CES5A: variants seen among roughly 807,000 people sequenced by gnomAD.
CES5A encodes the protein carboxylesterase 5.
CES5A carries 67 observed loss-of-function variants against 62.9 expected under a neutral mutation model. The observed-to-expected ratio is 1.07, with a 90% CI of 0.88 to 1.31. The LOEUF is 1.31. Ranked by LOEUF, CES5A falls within the 50% of genes most tolerant of loss-of-function variation. CES5A has a pLI of 0.00. For synonymous variants in CES5A, 296 were observed against 280.8 expected (o/e 1.05, Z -0.54); for missense variants, 748 against 708.5 (o/e 1.06, Z -0.63).
upstream of CES5A, among the ~76,000 whole-genome samples, chr16:55,878,723 C>A (rs975641329): frequency 3.4e-5 from 5 of 147,240 alleles, no homozygotes; most frequent in African/African-American, 1.3e-4. Context: ...CATGACTGCA[C>A]CCCCACCACT....
At chr16:55,950,926 C>G (rs2034549064) in intron 1 of CES5A, among the ~76,000 whole-genome samples, 1 of 151,710 alleles carries the variant, frequency 6.6e-6, no homozygotes, top group African/African-American at 2.4e-5. Context: ...CACGGTAAAA[C>G]CCCATCTCTA....
chr16:55,877,456 G>A (rs2033711273), upstream of CES5A, among the ~76,000 whole-genome samples: 1 of 108,414 alleles, frequency 9.2e-6, no homozygotes, highest in Admixed American at 8.5e-5. Flanking sequence ...ATATATGTAT[G>A]TGTGTGTGTG....
chr16:55,921,985 C>G (rs1325675172), intron 1 of CES5A, among the ~76,000 whole-genome samples: 1 of 151,582 alleles, frequency 6.6e-6, no homozygotes, highest in Non-Finnish European at 1.5e-5. Flanking sequence ...CTTGTTATAT[C>G]TATAAGATAT....
At chr16:55,931,920 G>A (rs1400853416) in intron 2 of CES5A, among the ~76,000 whole-genome samples, 1 of 152,092 alleles carries the variant, frequency 6.6e-6, no homozygotes, top group African/African-American at 2.4e-5. Context: ...TTAATGTTTG[G>A]CCCCTCTGAA....
intron 2 of CES5A, among the ~76,000 whole-genome samples, chr16:55,940,116 C>T (rs1433956387): frequency 1.3e-5 from 2 of 151,870 alleles, no homozygotes; most frequent in Non-Finnish European, 2.9e-5. Flanking sequence ...GCCATCTAGG[C>T]TTCCACCACA....
At chr16:55,886,215 G>A (rs1381200268) in intron 1 of CES5A, among the ~76,000 whole-genome samples, 12 of 152,188 alleles carry the variant, frequency 7.9e-5, no homozygotes, top group Non-Finnish European at 5.9e-5. Flanking sequence ...AATATACTTG[G>A]TTGCCACTTT....
chr16:55,947,846 C>T (rs534541293), intron 2 of CES5A, among the ~76,000 whole-genome samples: 4 of 152,032 alleles, frequency 2.6e-5, no homozygotes, highest in African/African-American at 9.6e-5. Context: ...AGCAGGACAG[C>T]AGGGGAGGGC....
intron 10 of CES5A, among the ~76,000 whole-genome samples, chr16:55,852,108 C>T (rs1363323916): frequency 6.6e-5 from 10 of 152,062 alleles, no homozygotes; most frequent in African/African-American, 2.2e-4. Flanking sequence ...ATGATAAAAA[C>T]GTTCTGAAGA....
At chr16:55,916,740 A>G (rs1471707979) in intron 1 of CES5A, among the ~76,000 whole-genome samples, 1 of 152,140 alleles carries the variant, frequency 6.6e-6, no homozygotes, top group East Asian at 1.9e-4. Context: ...TGGAAATGAA[A>G]GGGAAAGTCC....
At chr16:55,940,190 T>A (rs2034432047) in intron 2 of CES5A, among the ~76,000 whole-genome samples, 1 of 151,934 alleles carries the variant, frequency 6.6e-6, no homozygotes, top group African/African-American at 2.4e-5. Context: ...GCAGTAAAAG[T>A]AATGCAGAAT....
At chr16:55,897,683 C>A (rs2033947879) in intron 1 of CES5A, among the ~76,000 whole-genome samples, 1 of 152,212 alleles carries the variant, frequency 6.6e-6, no homozygotes, top group African/African-American at 2.4e-5. Flanking sequence ...CAGATAGTTT[C>A]ATGTTTCCAT....
intron 1 of CES5A, among the ~76,000 whole-genome samples, chr16:55,914,211 T>G (rs2034122295): frequency 6.6e-6 from 1 of 152,212 alleles, no homozygotes; most frequent in African/African-American, 2.4e-5. Flanking sequence ...ATCACTTTTG[T>G]TCAGTTTCCT....
rs140635257 is a variant in CES5A at position 55,860,597 on chromosome 16, G to A, written c.915+815C>T. On this transcript the variant is annotated intron_variant, in intron 7 of 12. Transcript: ENST00000290567. ...CTGTAGGGGTTGTAGGAGACTGTAG[G>A]TGTCTCCCTGAGACACAGTGCCTTG... Among the ~76,000 whole-genome samples, 501 of 152,274 alleles carry A rather than the reference G, an allele frequency of 3.3e-3. 4 individuals carry two copies. The highest frequency in any genetic ancestry group is 0.011 in the African/African-American group (471 of 41,554).
intron 1 of CES5A, among the ~76,000 whole-genome samples, chr16:55,919,728 G>C (rs2034182930): frequency 6.6e-6 from 1 of 152,180 alleles, no homozygotes; most frequent in Admixed American, 6.5e-5. Flanking sequence ...TTTCCCATCT[G>C]TTGTCTCATT....
At chr16:55,929,795 T>C (rs145536013), upstream of CES5A, among the ~76,000 whole-genome samples, 1 of 152,228 alleles carries the variant, frequency 6.6e-6, no homozygotes, top group African/African-American at 2.4e-5. Context: ...TTGCTCACGA[T>C]GGAATGTTTT....
chr16:55,851,499 C>G (rs1418387617), intron 10 of CES5A, among the ~76,000 whole-genome samples: 1 of 152,144 alleles, frequency 6.6e-6, no homozygotes, highest in Non-Finnish European at 1.5e-5. Flanking sequence ...AAGAAAATAA[C>G]AAATGTTGGT....
intron 1 of CES5A, among the ~76,000 whole-genome samples, chr16:55,899,105 A>T (rs1045927044): frequency 6.6e-6 from 1 of 152,176 alleles, no homozygotes; most frequent in African/African-American, 2.4e-5. Flanking sequence ...CCAGCAAAGC[A>T]TGCACCTGGC....
At chr16:55,873,146 G>A (rs1286315885) in intron 2 of CES5A, among the ~76,000 whole-genome samples, 1 of 152,038 alleles carries the variant, frequency 6.6e-6, no homozygotes, top group Non-Finnish European at 1.5e-5. Flanking sequence ...GATTCTAGGG[G>A]ATTTTCAAGT....
At chr16:55,925,720 G>T (rs1486124721), upstream of CES5A, among the ~76,000 whole-genome samples, 2 of 152,096 alleles carry the variant, frequency 1.3e-5, no homozygotes, top group Non-Finnish European at 2.9e-5. Flanking sequence ...AACATGGACA[G>T]AACTGGAGGT....
Sources: gnomAD v4.1 joint callset for allele counts (sites outside exome capture counted in the v4.1 genomes callset) on GRCh38, gnomAD v4.1.1 for gene constraint, MANE v1.5 for transcripts, NCBI Gene and HGNC (gene_info 2026-07-23, HGNC 2026-07-21) for gene names.